Variants in PHACTR1 observed in about 807,000 individuals in gnomAD.
PHACTR1 encodes RPEL repeat containing 1.
A neutral mutation model predicts 69.2 loss-of-function variants in PHACTR1; 16 were observed. That is an observed-to-expected ratio of 0.23 (90% CI 0.16 to 0.35). PHACTR1 has a LOEUF of 0.35. PHACTR1 is among the 10% of genes least tolerant of loss of function. The pLI is 1.00. For synonymous variants in PHACTR1, 312 were observed against 284.5 expected, an observed-to-expected ratio of 1.10 and a Z score of -0.97; for missense variants, 510 against 734.7, an observed-to-expected ratio of 0.69 and a Z score of 3.54.
intron 6 of PHACTR1, among the ~76,000 whole-genome samples, chr6:13,166,427 T>C (rs755019018): frequency 1.1e-4 from 16 of 152,128 alleles, no homozygotes; most frequent in Non-Finnish European, 2.1e-4. Flanking sequence ...GTAGCCCAAG[T>C]GTCTATAGCA....
chr6:13,233,999 A>G (rs12194742), intron 10 of PHACTR1, among the ~76,000 whole-genome samples: 1 of 152,108 alleles, frequency 6.6e-6, no homozygotes, highest in African/African-American at 2.4e-5. Flanking sequence ...TTGTACAGAG[A>G]TCAGCACATC....
intron 5 of PHACTR1, among the ~76,000 whole-genome samples, chr6:13,056,035 A>C (rs80244624): frequency 2.5e-3 from 376 of 152,326 alleles, no homozygotes; most frequent in Non-Finnish European, 3.6e-3. Context: ...TGAATTAGAG[A>C]AAGTAGAGAA....
intron 10 of PHACTR1, among the ~76,000 whole-genome samples, chr6:13,265,176 C>T (rs1167387777): frequency 6.6e-6 from 1 of 152,246 alleles, no homozygotes; most frequent in Non-Finnish European, 1.5e-5. Context: ...CCTCAGCCCT[C>T]TCCAATCTGG....
chr6:12,975,328 C>T (rs1473688923), intron 4 of PHACTR1, among the ~76,000 whole-genome samples: 2 of 152,102 alleles, frequency 1.3e-5, no homozygotes, highest in East Asian at 3.8e-4. Flanking sequence ...AAGAAGAGCT[C>T]ACTAAGATCC....
intron 5 of PHACTR1, among the ~76,000 whole-genome samples, chr6:13,138,724 G>A (rs1256117864): frequency 3.3e-5 from 5 of 152,194 alleles, no homozygotes; most frequent in African/African-American, 1.2e-4. Context: ...GGTTGTCAGA[G>A]GCACCTTGGC....
At chr6:13,097,615 T>C (rs1814484689) in intron 5 of PHACTR1, among the ~76,000 whole-genome samples, 1 of 152,184 alleles carries the variant, frequency 6.6e-6, no homozygotes, top group African/African-American at 2.4e-5. Context: ...TAGCCTGTCA[T>C]AGAGCAGTTA....
chr6:12,876,845 A>G (rs1782568327), intron 4 of PHACTR1, among the ~76,000 whole-genome samples: 2 of 152,202 alleles, frequency 1.3e-5, no homozygotes, highest in Non-Finnish European at 2.9e-5. Flanking sequence ...CTGGAGACAC[A>G]GGAAAGCTGG....
At chr6:13,100,916 A>G (rs969838373) in intron 5 of PHACTR1, among the ~76,000 whole-genome samples, 1 of 152,196 alleles carries the variant, frequency 6.6e-6, no homozygotes, top group African/African-American at 2.4e-5. Context: ...TACTTCTCAG[A>G]TAGTAGTATA....
Position 12,718,898 on chromosome 6 carries a change from T to C in PHACTR1, c.103+51T>C, listed in dbSNP as rs1474636458. 7 of 1,125,080 alleles carry C rather than the reference T, an allele frequency of 6.2e-6. No homozygotes were observed. In the East Asian group the frequency reaches 7.8e-5, roughly 13 times the overall value. 69.7% of individuals were successfully genotyped at this position (1,125,080 alleles called of 1,614,324 possible). ...CTCTTATTTGCACGTCGGTTTTATA[T>C]GAACAGCCATGTAGGCTGTAGCTGT... On this transcript the variant is annotated intron_variant, in intron 3 of 14. Coordinates refer to ENST00000332995, the MANE Select transcript of PHACTR1 (RefSeq NM_030948.6).
chr6:12,929,968 TA>T (rs1016609107), intron 4 of PHACTR1, among the ~76,000 whole-genome samples: 1 of 152,028 alleles, frequency 6.6e-6, no homozygotes, highest in Non-Finnish European at 1.5e-5. Context: ...CCACTTTTTT[TA>T]AAAATAAAAT....
intron 4 of PHACTR1, among the ~76,000 whole-genome samples, chr6:12,774,131 C>G (rs1412749): frequency 0.45 from 68,478 of 151,990 alleles, 16,337 homozygotes; most frequent in African/African-American, 0.58. Flanking sequence ...GTTCAGATAT[C>G]ATGGATACAT....
At chr6:12,805,373 G>A (rs1291422754) in intron 4 of PHACTR1, among the ~76,000 whole-genome samples, 2 of 152,098 alleles carry the variant, frequency 1.3e-5, no homozygotes, top group Non-Finnish European at 1.5e-5. Flanking sequence ...CTAGAAGTGC[G>A]ACACGTTTGT....
At chr6:13,169,256 T>A (rs1331019737) in intron 6 of PHACTR1, among the ~76,000 whole-genome samples, 2 of 151,866 alleles carry the variant, frequency 1.3e-5, no homozygotes, top group Non-Finnish European at 2.9e-5. Flanking sequence ...GAGAAGTGAG[T>A]TTAGGACACA....
intron 4 of PHACTR1, among the ~76,000 whole-genome samples, chr6:13,018,871 T>G (rs1023023702): frequency 6.6e-6 from 1 of 152,002 alleles, no homozygotes; most frequent in Non-Finnish European, 1.5e-5. Flanking sequence ...ATCTGTTTGT[T>G]TATTTATTTA....
chr6:12,834,225 A>C (rs1777902102), intron 4 of PHACTR1, among the ~76,000 whole-genome samples: 1 of 152,186 alleles, frequency 6.6e-6, no homozygotes, highest in Non-Finnish European at 1.5e-5. Flanking sequence ...ATAGGTACTC[A>C]ATAACTATTT....
At chr6:13,183,243 G>A (rs1762412002) in intron 7 of PHACTR1, among the ~76,000 whole-genome samples, 1 of 152,148 alleles carries the variant, frequency 6.6e-6, no homozygotes, top group South Asian at 2.1e-4. Context: ...GTGGCTGAGT[G>A]GCCAATACTC....
At chr6:12,976,506 C>T (rs1437169810) in intron 4 of PHACTR1, among the ~76,000 whole-genome samples, 1 of 152,202 alleles carries the variant, frequency 6.6e-6, no homozygotes, top group African/African-American at 2.4e-5. Context: ...GTGTCCAGGG[C>T]TCCTTCTGCC....
Position 13,182,695 on chromosome 6 carries a change from C to G in PHACTR1, c.664+9C>G. On this transcript the variant is annotated intron_variant, in intron 7 of 14. Coordinates refer to ENST00000332995, the MANE Select transcript of PHACTR1 (RefSeq NM_030948.6). ...CATCATGGATGGGCCAGGTAATGCCCCGGCAGGATTGTAGAGCAGGTCCCA... is the reference window on the plus strand; with the variant it reads ...CATCATGGATGGGCCAGGTAATGCCGCGGCAGGATTGTAGAGCAGGTCCCA... 1 of 1,525,682 alleles carries G rather than the reference C, an allele frequency of 6.6e-7. No individual in the cohort carries two copies. Among genetic ancestry groups the G allele is most frequent in the Non-Finnish European group, 8.8e-7 (1 of 1,140,834 alleles). The allele number at this position is 1,525,682 out of a possible 1,614,324, so 94.5% of individuals were successfully genotyped here.
intron 4 of PHACTR1, among the ~76,000 whole-genome samples, chr6:12,851,871 G>A (rs1779858255): frequency 6.6e-6 from 1 of 152,002 alleles, no homozygotes; most frequent in Non-Finnish European, 1.5e-5. Context: ...GTCTTACTCT[G>A]TTACCCAGAC....
Sources: gnomAD v4.1 joint callset for allele counts (sites outside exome capture counted in the v4.1 genomes callset) on GRCh38, gnomAD v4.1.1 for gene constraint, MANE v1.5 for transcripts, NCBI Gene and HGNC (gene_info 2026-07-23, HGNC 2026-07-21) for gene names.